Variants in DCDC1 observed in about 807,000 individuals in gnomAD.
The protein encoded by DCDC1 is doublecortin domain containing 1.
Under a neutral mutation model 178.3 loss-of-function variants are expected in DCDC1, and 200 were observed. The observed-to-expected ratio is 1.12, with a 90% CI of 1.00 to 1.26. The LOEUF is 1.26. Among genes scored for constraint, DCDC1 ranks in the 50% most tolerant of loss-of-function variants. DCDC1 has a pLI of 0.00. For missense variants in DCDC1, 1,983 were observed against 1,749.2 expected (o/e 1.13, Z -2.38); for synonymous variants, 690 against 604.8 (o/e 1.14, Z -2.07).
intron 38 of DCDC1, among the ~76,000 whole-genome samples, chr11:30,868,858 T>C (rs998067532): frequency 6.6e-6 from 1 of 151,996 alleles, no homozygotes. Context: ...AACCTGGGAG[T>C]GAGTTTACTT....
At chr11:31,044,410 G>A (rs996688439) in intron 20 of DCDC1, among the ~76,000 whole-genome samples, 6 of 151,044 alleles carry the variant, frequency 4.0e-5, no homozygotes, top group Non-Finnish European at 7.4e-5. Flanking sequence ...CCCGGGAGGC[G>A]GAGCTTGCAG....
intron 10 of DCDC1, among the ~76,000 whole-genome samples, chr11:31,133,381 T>C (rs567828519): frequency 1.3e-5 from 2 of 152,312 alleles, no homozygotes; most frequent in South Asian, 4.1e-4. Context: ...AGCACTTCAA[T>C]TTAAGATCAG....
chr11:30,928,653 CTCTT>C (rs1200575356), intron 22 of DCDC1, among the ~76,000 whole-genome samples: 1 of 149,002 alleles, frequency 6.7e-6, no homozygotes, highest in Non-Finnish European at 1.5e-5. Context: ...CTAAAGTAAT[CTCTT>C]TCTTTAAAAT....
intron 20 of DCDC1, among the ~76,000 whole-genome samples, chr11:31,047,425 A>T (rs1185853920): frequency 2.0e-5 from 3 of 152,206 alleles, no homozygotes; most frequent in African/African-American, 4.8e-5. Flanking sequence ...AATAATAATC[A>T]AGATTGTATA....
intron 8 of DCDC1, among the ~76,000 whole-genome samples, chr11:31,258,581 TGA>T (rs1944568100): frequency 6.6e-6 from 1 of 152,102 alleles, no homozygotes; most frequent in African/African-American, 2.4e-5. Context: ...AAACATTAAC[TGA>T]AGAGCAGGAG....
intron 36 of DCDC1, among the ~76,000 whole-genome samples, chr11:30,884,146 A>G (rs1161627473): frequency 6.7e-6 from 1 of 148,496 alleles, no homozygotes. Flanking sequence ...TGATCCTTCC[A>G]TCTCAGTCTC....
chr11:31,097,181 T>C (rs765014642), intron 15 of DCDC1, among the ~76,000 whole-genome samples: 1 of 152,226 alleles, frequency 6.6e-6, no homozygotes, highest in South Asian at 2.1e-4. Flanking sequence ...TGCATACACA[T>C]GCTGGGCCAG....
intron 7 of DCDC1, among the ~76,000 whole-genome samples, chr11:31,271,726 A>G (rs1355732394): frequency 6.6e-6 from 1 of 152,220 alleles, no homozygotes; most frequent in East Asian, 1.9e-4. Flanking sequence ...TTACAAAAGA[A>G]AGAGGTTTAG....
In DCDC1 at chr11:31,331,691, C is replaced by T. The variant is rs182503566; in HGVS notation, c.-6-3405G>A. Among the ~76,000 whole-genome samples the T allele has an allele frequency of 8.1e-3, 1,228 of 152,228 alleles. 22 individuals carry two copies. The highest frequency in any genetic ancestry group is 0.028 in the African/African-American group (1,176 of 41,514). ...GTGATGGATTATGTTTATTGATTTG[C>T]ATATGTTGAACCACCCTTGCATCCC... On this transcript the variant is annotated intron_variant, in intron 2 of 38. Coordinates refer to ENST00000684477, the MANE Select transcript of DCDC1 (RefSeq NM_001387274.1).
intron 20 of DCDC1, among the ~76,000 whole-genome samples, chr11:30,986,136 A>G (rs965122165): frequency 2.0e-5 from 3 of 151,978 alleles, no homozygotes; most frequent in East Asian, 3.9e-4. Context: ...TTTCTCTACT[A>G]TTCTTACATC....
chr11:31,012,240 TAAG>T (rs1341016035), intron 20 of DCDC1, among the ~76,000 whole-genome samples: 2 of 152,172 alleles, frequency 1.3e-5, no homozygotes, highest in African/African-American at 4.8e-5. Context: ...TATGGCAGTG[TAAG>T]AACATTCTAA....
chr11:30,890,138 G>A (rs1377071104), intron 36 of DCDC1, among the ~76,000 whole-genome samples: 1 of 152,178 alleles, frequency 6.6e-6, no homozygotes, highest in Non-Finnish European at 1.5e-5. Context: ...CCTTGATCTT[G>A]GACATCCAGC....
intron 20 of DCDC1, among the ~76,000 whole-genome samples, chr11:30,953,359 A>T (rs900069598): frequency 2.0e-5 from 3 of 150,198 alleles, no homozygotes; most frequent in Non-Finnish European, 3.0e-5. Context: ...CTAAAACTCT[A>T]TCATACCAGA....
In DCDC1 at chr11:31,328,402, C is replaced by CA. The variant is rs2133085263; in HGVS notation, c.-6-117dup. On this transcript the variant is annotated intron_variant, in intron 2 of 38. Transcript: ENST00000684477. ...CATCATGTGATTCTAGACCATATAGCAATGATTAAATGTGAAATTCCCTTA... is the reference window on the plus strand; with the variant it reads ...CATCATGTGATTCTAGACCATATAGCAAATGATTAAATGTGAAATTCCCTTA... 3 of 996,694 alleles carry CA rather than the reference C, an allele frequency of 3.0e-6. No homozygotes were observed. In the East Asian group the frequency reaches 8.4e-5, roughly 28 times the overall value. 61.7% of individuals were successfully genotyped at this position (996,694 alleles called of 1,614,324 possible). A position where few individuals can be genotyped will look rare whatever the true frequency, so the allele number is the denominator to read the frequency against.
At chr11:31,363,614 A>C (rs896097873) in intron 1 of DCDC1, among the ~76,000 whole-genome samples, 1 of 152,162 alleles carries the variant, frequency 6.6e-6, no homozygotes, top group Non-Finnish European at 1.5e-5. Context: ...TGAATTCCAC[A>C]CTTAACTTCA....
intron 15 of DCDC1, among the ~76,000 whole-genome samples, chr11:31,096,112 G>C (rs568462867): frequency 1.2e-4 from 18 of 152,132 alleles, no homozygotes; most frequent in Admixed American, 7.9e-4. Context: ...ACTAATATAT[G>C]TGGTAATTAT....
At chr11:30,961,386 C>T (rs2134579430) in intron 20 of DCDC1, among the ~76,000 whole-genome samples, 1 of 152,102 alleles carries the variant, frequency 6.6e-6, no homozygotes, top group African/African-American at 2.4e-5. Context: ...TCATTTGGAT[C>T]TGGTACAGTA....
At chr11:31,106,651 T>TA (rs1958869532) in intron 13 of DCDC1, 146 bp downstream of exon 13, 1 of 634,504 alleles carries the variant, frequency 1.6e-6, no homozygotes, top group Non-Finnish European at 2.8e-6. Flanking sequence ...CCAACAATAC[T>TA]GCCTTGCAAA....
intron 11 of DCDC1, among the ~76,000 whole-genome samples, chr11:31,110,847 A>G (rs1049857405): frequency 2.0e-5 from 3 of 152,222 alleles, no homozygotes; most frequent in Non-Finnish European, 4.4e-5. Flanking sequence ...GCACACTAAA[A>G]GGAAATTTAA....
Sources: allele counts gnomAD v4.1 joint callset (sites outside exome capture counted in the v4.1 genomes callset), GRCh38; gene constraint gnomAD v4.1.1; transcripts MANE v1.5; gene names NCBI Gene and HGNC (gene_info 2026-07-23, HGNC 2026-07-21).